Variants in RNF4 observed in about 807,000 individuals in gnomAD.
RNF4 encodes the protein E3 ubiquitin-protein ligase RNF4.
RNF4 carries 7 observed loss-of-function variants against 24.3 expected under a neutral mutation model. That is an observed-to-expected ratio of 0.29 (90% CI 0.16 to 0.54). RNF4 has a LOEUF of 0.54. Among genes scored for constraint, RNF4 ranks in the 20% least tolerant of loss-of-function variants. The pLI is 0.95. For missense variants in RNF4, 209 were observed against 248.5 expected, an observed-to-expected ratio of 0.84 and a Z score of 1.07; for synonymous variants, 83 against 84.3, an observed-to-expected ratio of 0.98 and a Z score of 0.09.
At chr4:2,499,631 G>A (rs533110495) in intron 3 of RNF4, among the ~76,000 whole-genome samples, 1 of 152,024 alleles carries the variant, frequency 6.6e-6, no homozygotes, top group Non-Finnish European at 1.5e-5. Context: ...AAATGGTTGT[G>A]CGTCATTTTT....
intron 3 of RNF4, among the ~76,000 whole-genome samples, chr4:2,500,069 A>G (rs1247651567): frequency 6.7e-6 from 1 of 150,108 alleles, no homozygotes; most frequent in Non-Finnish European, 1.5e-5. Flanking sequence ...GAGACAGAGA[A>G]TTGCTTGAAC....
intron 3 of RNF4, 188 bp downstream of exon 3, chr4:2,497,309 G>A: frequency 1.0e-5 from 5 of 484,150 alleles, no homozygotes; most frequent in Non-Finnish European, 1.5e-5. Flanking sequence ...GTTCAACTCT[G>A]GTAATGTGCA....
chr4:2,485,400 C>A (rs937933766), intron 1 of RNF4, among the ~76,000 whole-genome samples: 4 of 152,298 alleles, frequency 2.6e-5, no homozygotes, highest in Admixed American at 6.5e-5. Flanking sequence ...CCCAAGTTTT[C>A]ACACATTCTG....
At chr4:2,473,839 G>A (rs1207224261) in intron 1 of RNF4, among the ~76,000 whole-genome samples, 1 of 151,846 alleles carries the variant, frequency 6.6e-6, no homozygotes, top group Non-Finnish European at 1.5e-5. Flanking sequence ...CTGAAGGCTG[G>A]GCCTGATGGA....
intron 1 of RNF4, among the ~76,000 whole-genome samples, chr4:2,470,830 T>C (rs1300896264): frequency 6.6e-6 from 1 of 151,478 alleles, no homozygotes; most frequent in African/African-American, 2.4e-5. Flanking sequence ...ATACTGCCTT[T>C]TTTTTTTTGC....
chr4:2,495,645 G>GGT (rs1553878675), intron 2 of RNF4, among the ~76,000 whole-genome samples: 4 of 148,630 alleles, frequency 2.7e-5, no homozygotes, highest in Admixed American at 6.8e-5. Context: ...TTTTTGGGGG[G>GGT]GGGTGAGATG....
intron 1 of RNF4, among the ~76,000 whole-genome samples, chr4:2,470,546 G>A (rs66500906): frequency 0.099 from 15,019 of 152,186 alleles, 1,148 homozygotes; most frequent in African/African-American, 0.21. Context: ...TACTACCTTT[G>A]TAAGGACCTT....
At chr4:2,510,347 G>T (rs111553325) in intron 4 of RNF4, among the ~76,000 whole-genome samples, 18 of 152,324 alleles carry the variant, frequency 1.2e-4, no homozygotes, top group African/African-American at 4.3e-4. Flanking sequence ...CACCTAGGGA[G>T]CTGCTGTGTC....
chr4:2,513,499 G>A (rs1012837489), intron 7 of RNF4, among the ~76,000 whole-genome samples, 171 bp from the exon 8 acceptor site: 5 of 152,182 alleles, frequency 3.3e-5, no homozygotes, highest in African/African-American at 1.2e-4. Flanking sequence ...CTCTCCAGCT[G>A]AGAGAGACCA....
chr4:2,504,034 TAGTG>T (rs1392759168), intron 4 of RNF4, among the ~76,000 whole-genome samples: 1 of 152,066 alleles, frequency 6.6e-6, no homozygotes, highest in Non-Finnish European at 1.5e-5. Flanking sequence ...CTGGGCAACA[TAGTG>T]AGACCCTGTC....
intron 1 of RNF4, among the ~76,000 whole-genome samples, chr4:2,476,718 TTTAA>T (rs1279237558): frequency 4.6e-5 from 7 of 151,366 alleles, no homozygotes; most frequent in African/African-American, 1.7e-4. Context: ...TTTTTTTTTT[TTTAA>T]TTTAAGAGAA....
chr4:2,505,127 T>G (rs1297370553), intron 4 of RNF4: 2 of 152,112 alleles, frequency 1.3e-5, no homozygotes, highest in African/African-American at 2.4e-5. Flanking sequence ...TCCCAGTAGC[T>G]TTTCCAGAAC....
At chr4:2,474,942 G>A (rs768765543) in intron 1 of RNF4, among the ~76,000 whole-genome samples, 4 of 152,172 alleles carry the variant, frequency 2.6e-5, no homozygotes, top group African/African-American at 7.2e-5. Flanking sequence ...CAGGAGAATT[G>A]CTTGAACCAG....
At chr4:2,477,524 A>G (rs1326462180) in intron 1 of RNF4, among the ~76,000 whole-genome samples, 43 of 152,122 alleles carry the variant, frequency 2.8e-4, no homozygotes, top group Admixed American at 2.7e-3. Flanking sequence ...GGTGGAGATT[A>G]CAGTGAGCCG....
chr4:2,496,257 A>G (rs1305470020), intron 2 of RNF4, among the ~76,000 whole-genome samples: 1 of 152,198 alleles, frequency 6.6e-6, no homozygotes, highest in African/African-American at 2.4e-5. Context: ...TCCACAATGT[A>G]TAGAAACTCA....
intron 4 of RNF4, among the ~76,000 whole-genome samples, chr4:2,501,838 C>T (rs1015815779): frequency 6.6e-6 from 1 of 152,086 alleles, no homozygotes; most frequent in Non-Finnish European, 1.5e-5. Flanking sequence ...AATAGGGACA[C>T]CCCATAGGTG....
intron 2 of RNF4, among the ~76,000 whole-genome samples, chr4:2,495,629 CTT>C (rs1439215030): frequency 5.7e-5 from 6 of 105,648 alleles, no homozygotes; most frequent in Admixed American, 1.2e-4. Context: ...TTGGGAAGCT[CTT>C]TTTTTTTTGG....
chr4:2,502,409 G>A (rs1735936980), intron 4 of RNF4, among the ~76,000 whole-genome samples: 1 of 151,928 alleles, frequency 6.6e-6, no homozygotes, highest in African/African-American at 2.4e-5. Context: ...TCTCAGGCTG[G>A]GCGCGGTGGC....
At chr4:2,505,806 TCA>T (rs1736084174) in intron 4 of RNF4, 3 of 129,464 alleles carry the variant, frequency 2.3e-5, no homozygotes, top group Admixed American at 9.7e-5. Flanking sequence ...TGATCTCAGC[TCA>T]CTGCAGCCTC....
Sources: gnomAD v4.1 joint callset for allele counts (sites outside exome capture counted in the v4.1 genomes callset) on GRCh38, gnomAD v4.1.1 for gene constraint, MANE v1.5 for transcripts, NCBI Gene and HGNC (gene_info 2026-07-23, HGNC 2026-07-21) for gene names.